CAPRIN1: variants seen among roughly 807,000 people sequenced by gnomAD.
CAPRIN1 encodes the protein cell cycle associated protein 1, also known as caprin-1.
A neutral mutation model predicts 100.9 loss-of-function variants in CAPRIN1; 29 were observed. The ratio of observed to expected loss-of-function variants is 0.29; its 90% confidence interval spans 0.21 to 0.39. The LOEUF is 0.39. Among genes scored for constraint, CAPRIN1 ranks in the 10% least tolerant of loss-of-function variants. The pLI, the probability that CAPRIN1 is intolerant of heterozygous loss-of-function variation, is 1.00. For missense variants in CAPRIN1, 795 were observed against 876.7 expected (o/e 0.91, Z 1.18); for synonymous variants, 338 against 307.5 (o/e 1.10, Z -1.04).
At chr11:34,067,488 AGTT>A (rs1032056348) in intron 2 of CAPRIN1, among the ~76,000 whole-genome samples, 7 of 151,730 alleles carry the variant, frequency 4.6e-5, no homozygotes, top group Admixed American at 2.0e-4. Flanking sequence ...TAAAATGCAC[AGTT>A]GTTTTTTTTT....
In CAPRIN1 at chr11:34,086,492, A is replaced by G. The variant is rs537563846; in HGVS notation, c.1231+79A>G. ...GGTTTTAAAAAGATTGTGAAAATAAATTTTGTTTATTTTAATGACTGTTTA... is the reference window on the plus strand; with the variant it reads ...GGTTTTAAAAAGATTGTGAAAATAAGTTTTGTTTATTTTAATGACTGTTTA... On this transcript the variant is annotated intron_variant, in intron 11 of 18. Transcript: ENST00000341394. 49 of 803,290 alleles carry G rather than the reference A, an allele frequency of 6.1e-5. No homozygotes were observed. The African/African-American group carries it at 6.8e-4, about 11-fold the overall frequency. The allele number at this position is 803,290 out of a possible 1,614,324, so 49.8% of individuals were successfully genotyped here.
In CAPRIN1 at chr11:34,052,473, C is replaced by T. The variant is rs747323580; in HGVS notation, c.53C>T (p.Pro18Leu). 9 of 1,607,782 alleles carry T rather than the reference C, an allele frequency of 5.6e-6. No individual in the cohort carries two copies. In the South Asian group the frequency reaches 7.7e-5, roughly 14 times the overall value. ...SGSGSKSSGP[P>L]PPSGSSGSEA... ...AGCGGCAGCAAGTCGTCCGGACCGC[C>T]ACCGCCGTCGGGTTCCTCCGGGAGT... The change falls in exon 2 of 19, where the codon CCA (proline) becomes CTA (leucine). Residue 18 changes from proline to leucine, a missense_variant. Physicochemically the swap from Pro to Leu is moderately conservative, Grantham distance 98 (BLOSUM62 -3). Around this residue, in one of 3 missense-constraint regions of CAPRIN1, gnomAD observed 109 missense variants for 86.6 expected, o/e 1.26. Coordinates refer to ENST00000341394, the MANE Select transcript of CAPRIN1 (RefSeq NM_005898.5).
chr11:34,097,879 G>T, intron 18 of CAPRIN1, 118 bp downstream of exon 18: 2 of 1,499,408 alleles, frequency 1.3e-6, no homozygotes, highest in Non-Finnish European at 1.8e-6. Context: ...TTGTTGCTAG[G>T]GATTAAATGA....
intron 3 of CAPRIN1, 52 bp from the exon 4 acceptor site, chr11:34,071,849 A>G: frequency 6.3e-7 from 1 of 1,589,238 alleles, no homozygotes; most frequent in Non-Finnish European, 8.6e-7. Context: ...ACAAAAATTA[A>G]TTCTGTGGTT....
intron 2 of CAPRIN1, among the ~76,000 whole-genome samples, chr11:34,054,886 C>G (rs918353019): frequency 1.3e-5 from 2 of 152,016 alleles, no homozygotes; most frequent in African/African-American, 4.8e-5. Flanking sequence ...TAATTATGAA[C>G]ATTAATGATT....
chr11:34,079,229 G>A (rs1299348166), intron 6 of CAPRIN1, among the ~76,000 whole-genome samples: 1 of 152,112 alleles, frequency 6.6e-6, no homozygotes, highest in African/African-American at 2.4e-5. Context: ...GTAAAACCTT[G>A]CCTCTACTGA....
intron 11 of CAPRIN1, among the ~76,000 whole-genome samples, chr11:34,088,406 A>G (rs1488984726): frequency 6.6e-6 from 1 of 152,122 alleles, no homozygotes; most frequent in Non-Finnish European, 1.5e-5. Context: ...CATGCCTGTA[A>G]TCTCAGTGCT....
rs1378211139 is a variant in CAPRIN1 at position 34,063,108 on chromosome 11, C to T, written c.217-8618C>T. On this transcript the variant is annotated intron_variant, in intron 2 of 18. Coordinates refer to ENST00000341394, the MANE Select transcript of CAPRIN1 (RefSeq NM_005898.5). ...TATCCCTCTTCTGGCACCCTAATGG[C>T]ACCTACTGAACTTAATTTAAAAAAT... 2.0e-5 allele frequency: 3 copies of T among 152,160 alleles called. No homozygotes were observed. In the East Asian group the frequency reaches 5.8e-4, roughly 29 times the overall value. The allele number at this position is 152,160 out of a possible 1,614,324, so 9.4% of individuals were successfully genotyped here. A position where few individuals can be genotyped will look rare whatever the true frequency, so the allele number is the denominator to read the frequency against.
chr11:34,089,392 C>T lies in CAPRIN1; in HGVS notation c.1232-3C>T, dbSNP rs759974992. 7.5e-6 allele frequency: 12 copies of T among 1,592,482 alleles called. No homozygotes were observed. The South Asian group carries it at 1.2e-4, about 16-fold the overall frequency. ...GACAAAAATGTTTTGGTCACCTTTGCAGTTCATTCTGAATCTAGACTTGCT... is the reference window on the plus strand; with the variant it reads ...GACAAAAATGTTTTGGTCACCTTTGTAGTTCATTCTGAATCTAGACTTGCT... On this transcript the variant is annotated splice_polypyrimidine_tract_variant and splice_region_variant and intron_variant, in intron 11 of 18. Coordinates refer to ENST00000341394, the MANE Select transcript of CAPRIN1 (RefSeq NM_005898.5).
Position 34,076,246 on chromosome 11 carries a change from CAATA to C in CAPRIN1, c.380_383del (p.Ile127ArgfsTer10), listed in dbSNP as rs1161511115. ...TATATTGTTTTGCAGATTCAGAAAACAATAAAGAAGACAGCACGTCGGGAGCAGC... is the reference window on the plus strand; with the variant it reads ...TATATTGTTTTGCAGATTCAGAAAACAAGAAGACAGCACGTCGGGAGCAGC... On this transcript the variant is annotated frameshift_variant, in exon 5 of 19. Transcript: ENST00000341394. LOFTEE classifies it high-confidence loss of function. The C allele has an allele frequency of 6.2e-7, 1 of 1,612,340 alleles. No homozygotes were observed. Among genetic ancestry groups the C allele is most frequent in the Non-Finnish European group, 8.5e-7 (1 of 1,179,132 alleles).
intron 2 of CAPRIN1, among the ~76,000 whole-genome samples, chr11:34,060,596 ACTT>A (rs1283975166): frequency 1.3e-5 from 2 of 152,134 alleles, no homozygotes; most frequent in African/African-American, 4.8e-5. Context: ...GTTACATTGA[ACTT>A]CTTTTTACAT....
intron 1 of CAPRIN1, 71 bp from the exon 2 acceptor site, chr11:34,052,350 C>G: frequency 7.9e-7 from 1 of 1,258,126 alleles, no homozygotes; most frequent in South Asian, 1.3e-5. Context: ...CGCGTCTCGC[C>G]CCGTCCGTCT....
rs184759046 is a variant in CAPRIN1 at position 34,060,261 on chromosome 11, C to A, written c.216+7625C>A. On this transcript the variant is annotated intron_variant, in intron 2 of 18. Transcript: ENST00000341394. Reference sequence around the variant, plus strand: ...AGATATGTGAATGGTCTTAAGAGAACACAGATAATTCTTATTATTAGAACC... The same window carrying A: ...AGATATGTGAATGGTCTTAAGAGAAAACAGATAATTCTTATTATTAGAACC... Among the ~76,000 whole-genome samples, 15 of 144,312 alleles carry A rather than the reference C, an allele frequency of 1.0e-4. No individual in the cohort carries two copies. In the East Asian group the frequency reaches 3.1e-3, roughly 30 times the overall value. 94.7% of individuals were successfully genotyped at this position (144,312 alleles called of 152,430 possible).
intron 2 of CAPRIN1, among the ~76,000 whole-genome samples, chr11:34,055,362 C>T (rs57636521): frequency 0.1 from 15,518 of 151,484 alleles, 863 homozygotes; most frequent in African/African-American, 0.15. Context: ...CGCTCTTGTC[C>T]GCCAGGCTGG....
intron 7 of CAPRIN1, among the ~76,000 whole-genome samples, chr11:34,081,026 T>C (rs1851018551): frequency 6.6e-6 from 1 of 152,234 alleles, no homozygotes; most frequent in Non-Finnish European, 1.5e-5. Context: ...AGTAGCTCTT[T>C]ATTTGCATTA....
chr11:34,074,135 A>T (rs1233262007), intron 4 of CAPRIN1, among the ~76,000 whole-genome samples: 5 of 152,238 alleles, frequency 3.3e-5, no homozygotes, highest in Non-Finnish European at 7.3e-5. Context: ...CATTCAGACC[A>T]TAGCACCAAA....
chr11:34,081,346 G>GCAT (rs1554970516), intron 7 of CAPRIN1, among the ~76,000 whole-genome samples: 1 of 151,474 alleles, frequency 6.6e-6, no homozygotes, highest in Non-Finnish European at 1.5e-5. Flanking sequence ...GACTACAGGC[G>GCAT]CATCACCACA....
chr11:34,090,236 C>G lies in CAPRIN1; in HGVS notation c.1351C>G (p.Pro451Ala), dbSNP rs1851236082. 5 of 1,613,876 alleles carry G rather than the reference C, an allele frequency of 3.1e-6. No individual in the cohort carries two copies. In the South Asian group the frequency reaches 3.3e-5, roughly 11 times the overall value. The part of the protein sequence containing the change: ...GYTASQPLYQ[P>A]SHATEQRPQK... ...CACAGCATCTCAACCCTTGTACCAG[C>G]CTTCTCATGCTACAGAGCAACGACC... The change falls in exon 13 of 19, where the codon CCT becomes GCT. Residue 451 changes from proline to alanine, a missense_variant. By Grantham distance (27) the Pro-to-Ala change is conservative. Transcript: ENST00000341394.
chr11:34,096,481 G>A lies in CAPRIN1; in HGVS notation c.1708G>A (p.Val570Ile). 1 of 1,612,694 alleles carries A rather than the reference G, an allele frequency of 6.2e-7. No individual in the cohort carries two copies. Among genetic ancestry groups the A allele is most frequent in the Non-Finnish European group, 8.5e-7 (1 of 1,178,926 alleles). ...ELQQEQLQTVVGTYHGSPDQS... is the reference protein window; with the variant it reads ...ELQQEQLQTVIGTYHGSPDQS... ...TCTTTTTCTTTTTTAAATTATAGTG[G>A]TTGGCACTTACCATGGTTCCCCAGA... The change falls in exon 16 of 19, where the codon GTT (valine) becomes ATT (isoleucine). Residue 570 changes from valine to isoleucine, a missense_variant and splice_region_variant. Around this residue, in one of 3 missense-constraint regions of CAPRIN1, gnomAD observed 648 missense variants for 697.9 expected, o/e 0.93. Coordinates refer to ENST00000341394, the MANE Select transcript of CAPRIN1 (RefSeq NM_005898.5).
Sources: allele counts gnomAD v4.1 joint callset (sites outside exome capture counted in the v4.1 genomes callset), GRCh38; gene constraint gnomAD v4.1.1; regional missense constraint gnomAD v4.1.1; transcripts MANE v1.5; gene names NCBI Gene and HGNC (gene_info 2026-07-23, HGNC 2026-07-21).